Variants in TRIM71 observed in about 807,000 individuals in gnomAD.
TRIM71 encodes tripartite motif containing 71, also known as E3 ubiquitin-protein ligase TRIM71.
TRIM71 carries 9 observed loss-of-function variants against 61.2 expected under a neutral mutation model. The observed-to-expected ratio is 0.15, with a 90% CI of 0.09 to 0.26. The LOEUF (loss-of-function observed/expected upper bound fraction) is 0.26, where lower values mean the gene tolerates loss of function less well. Among genes scored for constraint, TRIM71 ranks in the 10% least tolerant of loss-of-function variants. TRIM71 has a pLI of 1.00. For missense variants in TRIM71, 998 were observed against 1,238.7 expected (o/e 0.81, Z 2.92); for synonymous variants, 645 against 553.2 (o/e 1.17, Z -2.33).
Position 32,861,970 on chromosome 3 carries a change from T to G in TRIM71, c.853-11848T>G, listed in dbSNP as rs536282735. ...AGGCCACGTGTGTGCTATCCACTGC[T>G]TCCCAGGATTGGTCACTTCCCAATT... is the stretch of plus-strand genomic sequence containing the variant. On this transcript the variant is annotated intron_variant, in intron 1 of 3. Transcript: ENST00000383763. 2.0e-5 allele frequency among the ~76,000 whole-genome samples: 3 copies of G among 152,356 alleles called. No individual in the cohort carries two copies. In the East Asian group the frequency reaches 5.8e-4, roughly 29 times the overall value.
intron 1 of TRIM71, among the ~76,000 whole-genome samples, chr3:32,820,456 C>T (rs922457842): frequency 6.6e-6 from 1 of 152,042 alleles, no homozygotes; most frequent in African/African-American, 2.4e-5. Flanking sequence ...TTTTAATATA[C>T]TGTGGGTTCA....
chr3:32,850,870 C>T (rs1445912465), intron 1 of TRIM71, among the ~76,000 whole-genome samples: 7 of 152,120 alleles, frequency 4.6e-5, no homozygotes, highest in Non-Finnish European at 8.8e-5. Context: ...GATCAGATCC[C>T]GAAATCTCAA....
At chr3:32,874,368 A>G (rs1696832443) in intron 2 of TRIM71, among the ~76,000 whole-genome samples, 1 of 115,550 alleles carries the variant, frequency 8.7e-6, no homozygotes, top group African/African-American at 3.5e-5. Flanking sequence ...TACTACTACT[A>G]CAACATATTT....
intron 1 of TRIM71, among the ~76,000 whole-genome samples, chr3:32,855,251 G>T (rs532794992): frequency 1.5e-4 from 23 of 152,204 alleles, no homozygotes; most frequent in African/African-American, 5.3e-4. Context: ...CATTTTCAGG[G>T]ATTGAAAAGG....
chr3:32,880,502 T>TCACAACTCACAAC (rs1696897846), intron 2 of TRIM71, among the ~76,000 whole-genome samples: 1 of 152,202 alleles, frequency 6.6e-6, no homozygotes, highest in Non-Finnish European at 1.5e-5. Flanking sequence ...AACTTATGAC[T>TCACAACTCACAAC]TTAAAGAGAC....
chr3:32,877,565 G>A (rs1340709500), intron 2 of TRIM71, among the ~76,000 whole-genome samples: 1 of 151,930 alleles, frequency 6.6e-6, no homozygotes, highest in Non-Finnish European at 1.5e-5. Flanking sequence ...TTGTTGTCTA[G>A]GCTGATCTCA....
At chr3:32,840,352 G>A (rs1159701322) in intron 1 of TRIM71, among the ~76,000 whole-genome samples, 1 of 152,014 alleles carries the variant, frequency 6.6e-6, no homozygotes, top group Non-Finnish European at 1.5e-5. Context: ...TGCTTTGAAG[G>A]ACAGTAAAAT....
At chr3:32,820,718 A>ATTT (rs1422373215) in intron 1 of TRIM71, among the ~76,000 whole-genome samples, 2 of 152,236 alleles carry the variant, frequency 1.3e-5, no homozygotes, top group African/African-American at 4.8e-5. Context: ...GCAGACTTGT[A>ATTT]AAAGATTTAT....
At chr3:32,842,550 A>T (rs1164219527) in intron 1 of TRIM71, among the ~76,000 whole-genome samples, 1 of 152,222 alleles carries the variant, frequency 6.6e-6, no homozygotes, top group African/African-American at 2.4e-5. Context: ...TATAATCCCC[A>T]TGTATGCTCT....
At chr3:32,823,570 A>C (rs975214612) in intron 1 of TRIM71, among the ~76,000 whole-genome samples, 15 of 152,220 alleles carry the variant, frequency 9.9e-5, no homozygotes, top group Non-Finnish European at 2.2e-4. Context: ...TGGGGAAAAA[A>C]ACGTTACTTT....
chr3:32,818,401 C>T lies in TRIM71; in HGVS notation c.321C>T (p.Asp107=). Residue 107 remains aspartate, a synonymous_variant, in exon 1 of 4, where the codon GAC becomes GAT. Transcript: ENST00000383763. The part of the protein sequence containing the change: ...KVVLAEAAGM[D]ALPSSAFLLS... The stretch of plus-strand genomic sequence containing the variant: ...TGCTAGCCGAGGCGGCGGGTATGGA[C>T]GCGCTGCCTTCGTCCGCCTTCCTGC... 1 of 1,478,286 alleles carries T rather than the reference C, an allele frequency of 6.8e-7. No individual in the cohort carries two copies. The allele number at this position is 1,478,286 out of a possible 1,614,324, so 91.6% of individuals were successfully genotyped here.
intron 1 of TRIM71, among the ~76,000 whole-genome samples, chr3:32,841,491 G>C (rs1696404844): frequency 6.6e-6 from 1 of 151,708 alleles, no homozygotes; most frequent in African/African-American, 2.4e-5. Flanking sequence ...GGGCAACACG[G>C]CAAAACCCTG....
In TRIM71 at chr3:32,894,730, A is replaced by G. The variant is rs1697061548; in HGVS notation, c.*2919A>G. 1 of 152,248 alleles carries G rather than the reference A, an allele frequency of 6.6e-6. No homozygotes were observed. The highest frequency in any genetic ancestry group is 1.5e-5 in the Non-Finnish European group (1 of 68,034). The allele number at this position is 152,248 out of a possible 1,614,324, so 9.4% of individuals were successfully genotyped here. A position where few individuals can be genotyped will look rare whatever the true frequency, so the allele number is the denominator to read the frequency against. On this transcript the variant is annotated 3_prime_UTR_variant, in exon 4 of 4. Coordinates refer to ENST00000383763, the MANE Select transcript of TRIM71 (RefSeq NM_001039111.3). ...TATTGTATGATGTGAAATGTTCTAA[A>G]TCAAAGAAAGATGATAAAAGCCAAC...
At chr3:32,875,570 G>GGC (rs1307008302) in intron 2 of TRIM71, among the ~76,000 whole-genome samples, 41 of 152,358 alleles carry the variant, frequency 2.7e-4, no homozygotes, top group Non-Finnish European at 5.7e-4. Context: ...CAGGTTCAGT[G>GGC]GCTCACGCCT....
chr3:32,861,236 G>A (rs1423722993), intron 1 of TRIM71, among the ~76,000 whole-genome samples: 2 of 150,932 alleles, frequency 1.3e-5, no homozygotes, highest in Non-Finnish European at 3.0e-5. Flanking sequence ...AGAGTGCAGT[G>A]GCACGATCTC....
chr3:32,876,475 T>A (rs1696853890), intron 2 of TRIM71, among the ~76,000 whole-genome samples: 1 of 152,142 alleles, frequency 6.6e-6, no homozygotes, highest in East Asian at 1.9e-4. Flanking sequence ...TGCCAGGTAC[T>A]CAGGAGGCTG....
In TRIM71 at chr3:32,827,725, C is replaced by A. The variant is rs758803731; in HGVS notation, c.852+8793C>A. ...TGAGGACATACCCTCCTGGTTCTGA[C>A]ACCCTGTGAATTCCAGGGGCCCTTG... On this transcript the variant is annotated intron_variant, in intron 1 of 3. Coordinates refer to ENST00000383763, the MANE Select transcript of TRIM71 (RefSeq NM_001039111.3). 4.6e-4 allele frequency among the ~76,000 whole-genome samples: 70 copies of A among 152,198 alleles called. 1 individual carries two copies. The highest frequency in any genetic ancestry group is 3.4e-3 in the Middle Eastern group (1 of 294).
rs940119338 is a variant in TRIM71 at position 32,818,326 on chromosome 3, G to T, written c.246G>T (p.Ala82=). Residue 82 remains alanine, a synonymous_variant, in exon 1 of 4, where the codon GCG becomes GCT. Coordinates refer to ENST00000383763, the MANE Select transcript of TRIM71 (RefSeq NM_001039111.3). ...GGCTGCCGGCGGCGGGCGGCGGCGCGGCGGGAGAGCCGCTCAAGCTGCGCT... is the reference window on the plus strand; with the variant it reads ...GGCTGCCGGCGGCGGGCGGCGGCGCTGCGGGAGAGCCGCTCAAGCTGCGCT... The part of the protein sequence containing the change: ...AHRLPAAGGG[A]AGEPLKLRCP... 19 of 1,440,292 alleles carry T rather than the reference G, an allele frequency of 1.3e-5. No homozygotes were observed. The highest frequency in any genetic ancestry group is 1.6e-5 in the Non-Finnish European group (18 of 1,101,886). The allele number at this position is 1,440,292 out of a possible 1,614,324, so 89.2% of individuals were successfully genotyped here.
chr3:32,856,749 G>A (rs546214629), intron 1 of TRIM71, among the ~76,000 whole-genome samples: 5 of 152,356 alleles, frequency 3.3e-5, no homozygotes, highest in African/African-American at 1.2e-4. Flanking sequence ...CGGGGCAGGA[G>A]TGCCTTCTTG....
Sources: allele counts gnomAD v4.1 joint callset (sites outside exome capture counted in the v4.1 genomes callset), GRCh38; gene constraint gnomAD v4.1.1; transcripts MANE v1.5; gene names NCBI Gene and HGNC (gene_info 2026-07-23, HGNC 2026-07-21).